RLN2: variants seen among roughly 807,000 people sequenced by gnomAD.
RLN2 encodes the protein prorelaxin H2.
In RLN2, 10 loss-of-function variants were observed where a neutral mutation model predicts 7.3. The observed-to-expected ratio is 1.36, with a 90% confidence interval of 0.84 to 2.31. The LOEUF (loss-of-function observed/expected upper bound fraction) is 2.31. Among genes scored for constraint, RLN2 ranks in the 30% most tolerant of loss-of-function variants. The pLI, the probability that RLN2 is intolerant of heterozygous loss-of-function variation, is 0.00. For missense variants in RLN2, 298 were observed against 217.6 expected, an observed-to-expected ratio of 1.37 and a Z score of -2.32; for synonymous variants, 103 against 82.3, an observed-to-expected ratio of 1.25 and a Z score of -1.36.
chr9:5,301,606 G>A (rs941772591), intron 1 of RLN2, among the ~76,000 whole-genome samples: 2 of 152,122 alleles, frequency 1.3e-5, no homozygotes, highest in African/African-American at 4.8e-5. Flanking sequence ...CATTAACAAG[G>A]CATTACTCTT....
chr9:5,318,360 C>T, the RLN2 span, among the ~76,000 whole-genome samples: 1 of 151,828 alleles, frequency 6.6e-6, no homozygotes, highest in South Asian at 2.1e-4. Context: ...ATATGAAATA[C>T]ATTTAAAAGC....
At chr9:5,330,068 C>G in the RLN2 span, among the ~76,000 whole-genome samples, 1 of 151,980 alleles carries the variant, frequency 6.6e-6, no homozygotes, top group African/African-American at 2.4e-5. Flanking sequence ...GTCTCTCAGA[C>G]CACAGTGCAA....
intron 1 of RLN2, among the ~76,000 whole-genome samples, chr9:5,300,659 C>T (rs1328723890): frequency 2.0e-5 from 3 of 152,172 alleles, no homozygotes; most frequent in Admixed American, 6.5e-5. Context: ...CTGCTTTACC[C>T]CATTGGTCCT....
Position 5,300,461 on chromosome 9 carries a change from A to G in RLN2, c.212-17T>C. On this transcript the variant is annotated splice_polypyrimidine_tract_variant and intron_variant, in intron 1 of 1. Transcript: ENST00000381627. ...GCACAATTTCTGTTAAATTTAAAAA[A>G]AAAGGTGTATGTGAGGGTATATTCA... The G allele has an allele frequency of 6.4e-7, 1 of 1,563,884 alleles. No individual in the cohort carries two copies.
the RLN2 span, among the ~76,000 whole-genome samples, chr9:5,311,923 CCACT>C: frequency 6.6e-6 from 1 of 151,472 alleles, no homozygotes; most frequent in Admixed American, 6.6e-5. Context: ...TGCGCTGCAC[CCACT>C]AACTCGTTCA....
chr9:5,311,517 T>A, the RLN2 span: 1 of 718,730 alleles, frequency 1.4e-6, no homozygotes, highest in Admixed American at 1.9e-5. Context: ...ACAGAGAAGA[T>A]CATGAGGTTG....
upstream of RLN2, among the ~76,000 whole-genome samples, chr9:5,308,214 G>A (rs888880472): frequency 6.6e-6 from 1 of 152,000 alleles, no homozygotes; most frequent in Non-Finnish European, 1.5e-5. Flanking sequence ...AACAAGAAAT[G>A]AAGGGCCATC....
the RLN2 span, among the ~76,000 whole-genome samples, chr9:5,336,326 T>C: frequency 6.6e-6 from 1 of 152,104 alleles, no homozygotes; most frequent in African/African-American, 2.4e-5. Flanking sequence ...ACTAATGTTT[T>C]CTGTCTGATG....
At chr9:5,309,441 G>T (rs1011375853), upstream of RLN2, among the ~76,000 whole-genome samples, 2 of 151,890 alleles carry the variant, frequency 1.3e-5, no homozygotes, top group Non-Finnish European at 2.9e-5. Context: ...CTCTCCAGGA[G>T]CATTTTCCTT....
chr9:5,336,885 G>A, the RLN2 span, among the ~76,000 whole-genome samples: 4 of 151,946 alleles, frequency 2.6e-5, no homozygotes, highest in Non-Finnish European at 5.9e-5. Context: ...CCTAGACAGC[G>A]GTAGTTCTGG....
the RLN2 span, among the ~76,000 whole-genome samples, chr9:5,315,073 G>A: frequency 1.3e-4 from 20 of 152,002 alleles, no homozygotes; most frequent in East Asian, 3.3e-3. Context: ...CTATTAAAAA[G>A]CAAGAAACAT....
intron 1 of RLN2, among the ~76,000 whole-genome samples, chr9:5,302,860 T>C (rs200800505): frequency 0.57 from 85,731 of 150,368 alleles, 26,029 homozygotes; most frequent in African/African-American, 0.78. Context: ...ATGCAAAAGA[T>C]ATATACATAT....
chr9:5,304,680 T>G lies in RLN2; in HGVS notation c.-100A>C. On this transcript the variant is annotated 5_prime_UTR_variant, in exon 1 of 2. Transcript: ENST00000381627. The stretch of plus-strand genomic sequence containing the variant: ...GGGCCTGTGTGCCTGTCCCGGGCTT[T>G]AGGCTGCTTTCCCTACCCGGCTCAA... The G allele has an allele frequency of 1.6e-6, 2 of 1,246,594 alleles. No homozygotes were observed. Among genetic ancestry groups the G allele is most frequent in the Non-Finnish European group, 2.3e-6 (2 of 865,336 alleles). 77.2% of individuals were successfully genotyped at this position (1,246,594 alleles called of 1,614,324 possible).
At chr9:5,313,893 T>A in the RLN2 span, among the ~76,000 whole-genome samples, 2 of 151,940 alleles carry the variant, frequency 1.3e-5, no homozygotes, top group African/African-American at 4.8e-5. Flanking sequence ...GATGGCCACA[T>A]AGACAACAGA....
chr9:5,305,560 C>A (rs1252916414), upstream of RLN2, among the ~76,000 whole-genome samples: 2 of 151,328 alleles, frequency 1.3e-5, no homozygotes, highest in Non-Finnish European at 2.9e-5. Flanking sequence ...TTTTTACCAT[C>A]ATTTAATTTA....
At chr9:5,327,711 A>G in the RLN2 span, among the ~76,000 whole-genome samples, 124 of 152,130 alleles carry the variant, frequency 8.2e-4, 1 homozygote, top group Non-Finnish European at 1.5e-3. Flanking sequence ...TTCCAGAGGA[A>G]AGATCAGGCA....
the RLN2 span, among the ~76,000 whole-genome samples, chr9:5,312,848 G>C: frequency 6.6e-6 from 1 of 151,834 alleles, no homozygotes; most frequent in Non-Finnish European, 1.5e-5. Context: ...TAGGAGGAGG[G>C]GGTCTAATTT....
At chr9:5,329,323 A>AAG in the RLN2 span, among the ~76,000 whole-genome samples, 2 of 150,318 alleles carry the variant, frequency 1.3e-5, no homozygotes, top group African/African-American at 4.9e-5. Context: ...AAAAAAAAAA[A>AAG]AAAAAAGAAA....
At chr9:5,330,083 A>G in the RLN2 span, among the ~76,000 whole-genome samples, 14 of 152,050 alleles carry the variant, frequency 9.2e-5, 1 homozygote, top group African/African-American at 3.1e-4. Flanking sequence ...GTGCAATCAA[A>G]TTAGAACTCA....
Sources: gnomAD v4.1 joint callset for allele counts (sites outside exome capture counted in the v4.1 genomes callset) on GRCh38, gnomAD v4.1.1 for gene constraint, MANE v1.5 for transcripts, NCBI Gene and HGNC (gene_info 2026-07-23, HGNC 2026-07-21) for gene names.